ASTN2: variants seen among roughly 807,000 people sequenced by gnomAD.
The protein encoded by ASTN2 is astrotactin 2, also known as astrotactin-2.
A neutral mutation model predicts 139.8 loss-of-function variants in ASTN2; 54 were observed. The ratio of observed to expected loss-of-function variants is 0.39; its 90% CI spans 0.31 to 0.48. ASTN2 has a LOEUF of 0.48. ASTN2 is among the 20% of genes least tolerant of loss of function. The pLI is 0.95. For synonymous variants in ASTN2, 756 were observed against 719.5 expected, an observed-to-expected ratio of 1.05 and a Z score of -0.81; for missense variants, 1,565 against 1,725.1, an observed-to-expected ratio of 0.91 and a Z score of 1.64.
chr9:116,705,868 CA>C (rs1299489287), intron 16 of ASTN2, among the ~76,000 whole-genome samples: 1 of 152,018 alleles, frequency 6.6e-6, no homozygotes, highest in Non-Finnish European at 1.5e-5. Flanking sequence ...AACAAAGGTA[CA>C]AGATTAGGAT....
chr9:116,898,518 A>C (rs546921810), intron 10 of ASTN2, among the ~76,000 whole-genome samples: 1 of 152,188 alleles, frequency 6.6e-6, no homozygotes, highest in Non-Finnish European at 1.5e-5. Context: ...CAAGATTGAC[A>C]AAACAGACCA....
intron 19 of ASTN2, among the ~76,000 whole-genome samples, chr9:116,491,509 G>A (rs1849517373): frequency 6.6e-6 from 1 of 152,176 alleles, no homozygotes; most frequent in Non-Finnish European, 1.5e-5. Flanking sequence ...CTTGAGGAAT[G>A]AGACAATAAA....
At chr9:116,573,725 G>A (rs1853614823) in intron 19 of ASTN2, among the ~76,000 whole-genome samples, 1 of 152,186 alleles carries the variant, frequency 6.6e-6, no homozygotes, top group African/African-American at 2.4e-5. Context: ...CATGTTAAAT[G>A]ACAGATGAGA....
At chr9:117,013,817 A>C (rs1411884409) in intron 6 of ASTN2, among the ~76,000 whole-genome samples, 4 of 152,096 alleles carry the variant, frequency 2.6e-5, no homozygotes, top group Non-Finnish European at 2.9e-5. Context: ...GTATCACCAG[A>C]CAAAATTGCC....
intron 16 of ASTN2, among the ~76,000 whole-genome samples, chr9:116,711,727 T>G (rs1254422839): frequency 6.6e-6 from 1 of 152,204 alleles, no homozygotes; most frequent in East Asian, 1.9e-4. Flanking sequence ...ATCATTTTCC[T>G]CACCTTTCAC....
intron 6 of ASTN2, among the ~76,000 whole-genome samples, chr9:117,027,591 C>A (rs1374333200): frequency 6.6e-6 from 1 of 152,148 alleles, no homozygotes; most frequent in Non-Finnish European, 1.5e-5. Context: ...TTCTCACTCC[C>A]AATCCCTGCC....
chr9:116,752,522 T>C (rs934947911), intron 13 of ASTN2, among the ~76,000 whole-genome samples: 2 of 152,148 alleles, frequency 1.3e-5, no homozygotes, highest in Non-Finnish European at 2.9e-5. Context: ...TGAGAAAAAA[T>C]TGTTGTTGGA....
intron 12 of ASTN2, among the ~76,000 whole-genome samples, chr9:116,817,218 C>T (rs1255296031): frequency 2.0e-5 from 3 of 151,586 alleles, no homozygotes; most frequent in Non-Finnish European, 4.4e-5. Context: ...CGCTTGAACC[C>T]AGGAGGCGGA....
At chr9:117,408,409 C>T (rs931544306) in intron 1 of ASTN2, among the ~76,000 whole-genome samples, 1 of 152,082 alleles carries the variant, frequency 6.6e-6, no homozygotes, top group Admixed American at 6.6e-5. Context: ...ATGCTGGGAG[C>T]CCATCAAAGT....
chr9:117,407,113 G>A (rs1243475160), intron 1 of ASTN2, among the ~76,000 whole-genome samples: 1 of 152,168 alleles, frequency 6.6e-6, no homozygotes, highest in Non-Finnish European at 1.5e-5. Context: ...TCAAAAATAA[G>A]TTGACACCTG....
At chr9:116,823,770 A>G (rs1831551141) in intron 11 of ASTN2, among the ~76,000 whole-genome samples, 1 of 152,196 alleles carries the variant, frequency 6.6e-6, no homozygotes, top group Non-Finnish European at 1.5e-5. Context: ...TAAAGGCAAG[A>G]TTTGATCCAC....
At chr9:117,340,616 T>C (rs1439555968) in intron 1 of ASTN2, among the ~76,000 whole-genome samples, 1 of 152,086 alleles carries the variant, frequency 6.6e-6, no homozygotes, top group Non-Finnish European at 1.5e-5. Context: ...TCCCCTTCCT[T>C]AGTGTGAGAC....
chr9:117,268,885 T>C (rs1453037810), intron 2 of ASTN2, among the ~76,000 whole-genome samples: 1 of 152,168 alleles, frequency 6.6e-6, no homozygotes. Flanking sequence ...AACAAAAAAC[T>C]TGACACATGC....
chr9:117,131,972 T>C (rs1230275134), intron 4 of ASTN2, among the ~76,000 whole-genome samples: 5 of 152,176 alleles, frequency 3.3e-5, no homozygotes, highest in Non-Finnish European at 5.9e-5. Flanking sequence ...TTTTAAAACA[T>C]GATTTTATAT....
intron 5 of ASTN2, among the ~76,000 whole-genome samples, chr9:117,060,446 A>G (rs201810467): frequency 3.1e-4 from 16 of 52,318 alleles, no homozygotes; most frequent in South Asian, 1.1e-3. Flanking sequence ...GAGAGAGAGA[A>G]AGAAAGAAAG....
At chr9:117,259,764 ACTGTACC>A (rs1833777914) in intron 2 of ASTN2, among the ~76,000 whole-genome samples, 1 of 152,124 alleles carries the variant, frequency 6.6e-6, no homozygotes, top group Non-Finnish European at 1.5e-5. Flanking sequence ...ATAAAAGCAA[ACTGTACC>A]CTGACCACTT....
intron 20 of ASTN2, among the ~76,000 whole-genome samples, chr9:116,485,840 T>A (rs1210326315): frequency 6.6e-6 from 1 of 152,200 alleles, no homozygotes; most frequent in Admixed American, 6.5e-5. Flanking sequence ...GTGATATTCT[T>A]GAGTTTGGTG....
At chr9:116,933,208 A>G (rs1425567035) in intron 10 of ASTN2, among the ~76,000 whole-genome samples, 1 of 152,090 alleles carries the variant, frequency 6.6e-6, no homozygotes, top group African/African-American at 2.4e-5. Context: ...GACATTCAAA[A>G]AGAAAGGAAC....
At chr9:117,171,046 G>A (rs998707866) in intron 3 of ASTN2, among the ~76,000 whole-genome samples, 2 of 152,086 alleles carry the variant, frequency 1.3e-5, no homozygotes, top group African/African-American at 2.4e-5. Context: ...GAGATCCTGA[G>A]CTCTCCAAGG....
Sources: allele counts gnomAD v4.1 joint callset (sites outside exome capture counted in the v4.1 genomes callset), GRCh38; gene constraint gnomAD v4.1.1; transcripts MANE v1.5; gene names NCBI Gene and HGNC (gene_info 2026-07-23, HGNC 2026-07-21).